Variants in IQCB1 observed in about 807,000 individuals in gnomAD.
IQCB1 encodes the protein IQ motif containing B1, also known as IQ calmodulin-binding motif-containing protein 1.
IQCB1 carries 56 observed loss-of-function variants against 84.4 expected under a neutral mutation model. The ratio of observed to expected loss-of-function variants is 0.66; its 90% CI spans 0.54 to 0.83. The LOEUF (loss-of-function observed/expected upper bound fraction) is 0.83. Ranked by LOEUF, IQCB1 falls within the 40% of genes least tolerant of loss-of-function variation. The pLI, the probability that IQCB1 is intolerant of heterozygous loss-of-function variation, is 0.00. For synonymous variants in IQCB1, 210 were observed against 234.8 expected, an observed-to-expected ratio of 0.89 and a Z score of 0.96; for missense variants, 629 against 682.1, an observed-to-expected ratio of 0.92 and a Z score of 0.87.
intron 5 of IQCB1, among the ~76,000 whole-genome samples, chr3:121,822,186 T>G (rs1457704925): frequency 2.6e-5 from 4 of 152,204 alleles, no homozygotes; most frequent in Non-Finnish European, 5.9e-5. Flanking sequence ...CTCTCCTGGG[T>G]CTCTAGCTTA....
chr3:121,771,699 T>C (rs1045876128), intron 14 of IQCB1, among the ~76,000 whole-genome samples: 4 of 152,200 alleles, frequency 2.6e-5, no homozygotes, highest in African/African-American at 9.7e-5. Context: ...GTTTCAGCCA[T>C]TTATCCAATT....
chr3:121,771,647 TAGAAACTTTAATAG>T (rs962432954), intron 14 of IQCB1, among the ~76,000 whole-genome samples: 1 of 152,150 alleles, frequency 6.6e-6, no homozygotes, highest in African/African-American at 2.4e-5. Flanking sequence ...ATTTAAAGAA[TAGAAACTTTAATAG>T]AACCTCATCC....
At chr3:121,817,303 A>G (rs943013523) in intron 5 of IQCB1, among the ~76,000 whole-genome samples, 1 of 152,148 alleles carries the variant, frequency 6.6e-6, no homozygotes, top group Non-Finnish European at 1.5e-5. Context: ...CAAATACCTA[A>G]TGCATGCAGG....
chr3:121,780,882 G>GAC (rs386356273), intron 13 of IQCB1, among the ~76,000 whole-genome samples: 100 of 141,140 alleles, frequency 7.1e-4, no homozygotes, highest in East Asian at 1.2e-3. Context: ...GTGTGTGTGT[G>GAC]TGAGAGAGAG....
rs139608360 is a variant in IQCB1, at chr3:121,831,395, A to G, written c.-12-2423T>C. Among the ~76,000 whole-genome samples the G allele has an allele frequency of 1.2e-4, 19 of 152,132 alleles. No homozygotes were observed. In the East Asian group the frequency reaches 1.9e-3, roughly 15 times the overall value. On this transcript the variant is annotated intron_variant, in intron 2 of 14. Coordinates refer to ENST00000310864, the MANE Select transcript of IQCB1 (RefSeq NM_001023570.4). ...CTCCATGTTGCCCAGGGTCTCTGTA[A>G]TATCTTTATAATAAACTGGAAAACA...
intron 7 of IQCB1, among the ~76,000 whole-genome samples, chr3:121,802,404 T>C (rs1949439844): frequency 6.6e-6 from 1 of 152,162 alleles, no homozygotes; most frequent in Non-Finnish European, 1.5e-5. Context: ...TGATCTAAGT[T>C]GTTAAATTTA....
In IQCB1 at chr3:121,790,784, CAAA is replaced by C. The variant is rs544862103; in HGVS notation, c.987-572_987-570del. 1.4e-4 allele frequency among the ~76,000 whole-genome samples: 12 copies of C among 83,930 alleles called. No homozygotes were observed. In the South Asian group the frequency reaches 4.3e-3, roughly 30 times the overall value. The allele number at this position is 83,930 out of a possible 152,430, so 55.1% of individuals were successfully genotyped here. On this transcript the variant is annotated intron_variant, in intron 10 of 14. Coordinates refer to ENST00000310864, the MANE Select transcript of IQCB1 (RefSeq NM_001023570.4). Reference sequence around the variant, plus strand: ...GTCAAAAAACTTACATTTACTTACACAAAAAAAAAATAAAAAACATTAAAATTT... The same window carrying C: ...GTCAAAAAACTTACATTTACTTACACAAAAAAATAAAAAACATTAAAATTT...
chr3:121,826,219 A>C, intron 4 of IQCB1, 39 bp from the exon 5 acceptor site: 4 of 1,606,160 alleles, frequency 2.5e-6, no homozygotes, highest in Non-Finnish European at 3.4e-6. Context: ...TTAGAAGTTT[A>C]TGTTGAATGC....
At chr3:121,831,308 G>A (rs1266041979) in intron 2 of IQCB1, among the ~76,000 whole-genome samples, 1 of 151,474 alleles carries the variant, frequency 6.6e-6, no homozygotes. Flanking sequence ...AAGTAGCTGG[G>A]ACTACACTTG....
chr3:121,831,662 C>T (rs1485035509), intron 2 of IQCB1, among the ~76,000 whole-genome samples: 1 of 152,182 alleles, frequency 6.6e-6, no homozygotes. Context: ...GTGTCCGCTG[C>T]AGAATTGATT....
At chr3:121,819,370 G>A (rs1950192604) in intron 5 of IQCB1, among the ~76,000 whole-genome samples, 1 of 152,114 alleles carries the variant, frequency 6.6e-6, no homozygotes, top group Non-Finnish European at 1.5e-5. Context: ...GATCTGACAG[G>A]AGGCAGAGCT....
At position 121,827,785 on chromosome 3, in the gene IQCB1, A is replaced by G. The variant is rs181457412; in HGVS notation, c.263+685T>C. On this transcript the variant is annotated intron_variant, in intron 4 of 14. Transcript: ENST00000310864. ...AATTCAAATGGCTTATTTAGGAAAA[A>G]CAAAAAAAGAAGGCTAGGATCCAGT... Among the ~76,000 whole-genome samples, 11 of 152,224 alleles carry G rather than the reference A, an allele frequency of 7.2e-5. No individual in the cohort carries two copies. The East Asian group carries it at 2.1e-3, about 29-fold the overall frequency.
intron 5 of IQCB1, among the ~76,000 whole-genome samples, chr3:121,812,434 CA>C (rs1354504557): frequency 6.6e-6 from 1 of 152,094 alleles, no homozygotes; most frequent in African/African-American, 2.4e-5. Context: ...TGATAATTAA[CA>C]AAAGTAGGCT....
chr3:121,803,342 T>C lies in IQCB1; in HGVS notation c.588-3968A>G, dbSNP rs150030243. ...CTGAGATTACAGGTGTGAGCCACCG[T>C]GCCCGGCCCCTTTTGTGTTTCTTGA... is the stretch of plus-strand genomic sequence containing the variant. On this transcript the variant is annotated intron_variant, in intron 7 of 14. Transcript: ENST00000310864. Among the ~76,000 whole-genome samples, 406 of 152,316 alleles carry C rather than the reference T, an allele frequency of 2.7e-3. 1 individual carries two copies. The highest frequency in any genetic ancestry group is 9.3e-3 in the African/African-American group (388 of 41,574).
intron 13 of IQCB1, 71 bp downstream of exon 13, chr3:121,781,668 ATGTG>A (rs1559755552): frequency 2.7e-6 from 3 of 1,130,228 alleles, no homozygotes; most frequent in South Asian, 1.2e-5. Context: ...CACACAATAT[ATGTG>A]TGTGTGTGTA....
At chr3:121,798,768 G>C (rs888700763) in intron 8 of IQCB1, among the ~76,000 whole-genome samples, 1 of 151,468 alleles carries the variant, frequency 6.6e-6, no homozygotes, top group Admixed American at 6.6e-5. Flanking sequence ...AATTTTTTTT[G>C]TTTGTTTTTG....
chr3:121,811,151 TG>T (rs1449252061), intron 5 of IQCB1, among the ~76,000 whole-genome samples: 8 of 151,730 alleles, frequency 5.3e-5, no homozygotes, highest in Non-Finnish European at 8.8e-5. Context: ...AGAAGCAGAG[TG>T]GGGCATTGCC....
chr3:121,772,528 T>C (rs1302115639), intron 14 of IQCB1, 29 bp downstream of exon 14: 2 of 1,613,424 alleles, frequency 1.2e-6, no homozygotes, highest in African/African-American at 1.3e-5. Context: ...TTGTTCCTTT[T>C]AGAGAACGAA....
At chr3:121,780,280 C>T (rs1219541585) in intron 13 of IQCB1, among the ~76,000 whole-genome samples, 2 of 152,288 alleles carry the variant, frequency 1.3e-5, no homozygotes, top group South Asian at 4.1e-4. Context: ...GGGCTTGCTT[C>T]GTTCCCTCTC....
Sources: gnomAD v4.1 joint callset for allele counts (sites outside exome capture counted in the v4.1 genomes callset) on GRCh38, gnomAD v4.1.1 for gene constraint, MANE v1.5 for transcripts, NCBI Gene and HGNC (gene_info 2026-07-23, HGNC 2026-07-21) for gene names.